Variants in PECR observed in about 807,000 individuals in gnomAD.
PECR encodes 2,4-dienoyl-CoA reductase-related protein.
A neutral mutation model predicts 35.3 loss-of-function variants in PECR; 30 were observed. The ratio of observed to expected loss-of-function variants is 0.85; its 90% CI spans 0.64 to 1.15. The LOEUF is 1.15. Among genes scored for constraint, PECR ranks in the 50% most tolerant of loss-of-function variants. The pLI, the probability that PECR is intolerant of heterozygous loss-of-function variation, is 0.00. For missense variants in PECR, 392 were observed against 370.8 expected, an observed-to-expected ratio of 1.06 and a Z score of -0.47; for synonymous variants, 148 against 138.9, an observed-to-expected ratio of 1.07 and a Z score of -0.46.
chr2:216,048,106 G>C (rs1695031118), intron 6 of PECR, among the ~76,000 whole-genome samples: 1 of 150,470 alleles, frequency 6.6e-6, no homozygotes, highest in South Asian at 2.1e-4. Context: ...ATAGAGTCTT[G>C]CTCTGTCGCC....
chr2:216,055,758 T>G (rs1173114733), intron 4 of PECR, among the ~76,000 whole-genome samples: 2 of 152,156 alleles, frequency 1.3e-5, no homozygotes, highest in African/African-American at 2.4e-5. Context: ...GAACCCCTGA[T>G]GCACTTCAAA....
At chr2:216,070,079 A>G (rs1695557622) in intron 1 of PECR, among the ~76,000 whole-genome samples, 1 of 152,260 alleles carries the variant, frequency 6.6e-6, no homozygotes, top group Non-Finnish European at 1.5e-5. Context: ...CTATATCATA[A>G]GGTATACAAT....
chr2:216,056,473 C>A (rs1460360306), intron 4 of PECR, among the ~76,000 whole-genome samples: 1 of 152,004 alleles, frequency 6.6e-6, no homozygotes, highest in Non-Finnish European at 1.5e-5. Flanking sequence ...GTAATCCCAG[C>A]ACTTTGGGAG....
chr2:216,053,382 T>C (rs2105952192), intron 4 of PECR, among the ~76,000 whole-genome samples: 1 of 152,232 alleles, frequency 6.6e-6, no homozygotes, highest in East Asian at 1.9e-4. Context: ...TAGCTGGGAC[T>C]ACAGGCACCC....
chr2:216,038,406 T>G lies in PECR; in HGVS notation c.*869A>C, dbSNP rs188223436. ...CCAAAAATAAATCACATAAAACTTT[T>G]TCTTTGAATTAAGAGAATTTATACA... On this transcript the variant is annotated 3_prime_UTR_variant, in exon 8 of 8. Coordinates refer to ENST00000265322, the MANE Select transcript of PECR (RefSeq NM_018441.6). 82 of 152,288 alleles carry G rather than the reference T, an allele frequency of 5.4e-4. No individual in the cohort carries two copies. The highest frequency in any genetic ancestry group is 7.8e-4 in the Admixed American group (12 of 15,298). The allele number at this position is 152,288 out of a possible 1,614,324, so 9.4% of individuals were successfully genotyped here.
At chr2:216,050,947 C>A in intron 5 of PECR, 1 of 150,966 alleles carries the variant, frequency 6.6e-6, no homozygotes, top group Non-Finnish European at 1.5e-5. Context: ...GTTTAACATT[C>A]TTGACAATCT....
At chr2:216,067,757 A>T (rs1174996429) in intron 1 of PECR, among the ~76,000 whole-genome samples, 1 of 151,862 alleles carries the variant, frequency 6.6e-6, no homozygotes, top group Admixed American at 6.6e-5. Flanking sequence ...GGGTTTCACC[A>T]TGTTGGCCAG....
intron 5 of PECR, among the ~76,000 whole-genome samples, chr2:216,049,749 C>G (rs1193512250): frequency 6.6e-6 from 1 of 152,198 alleles, no homozygotes; most frequent in African/African-American, 2.4e-5. Flanking sequence ...CAAGAGAAGA[C>G]TGGGCAATGG....
chr2:216,029,462 T>C (rs1186988048), intron 7 of PECR, among the ~76,000 whole-genome samples: 1 of 87,958 alleles, frequency 1.1e-5, no homozygotes, highest in African/African-American at 3.9e-5. Flanking sequence ...GGCGAGAGAG[T>C]GAGACTCCAT....
rs1206717179 is a variant in PECR, at chr2:216,056,723, GAAA to G, written c.506+2169_506+2171del. 7.9e-4 allele frequency among the ~76,000 whole-genome samples: 48 copies of G among 60,742 alleles called. No homozygotes were observed. The South Asian group carries it at 0.022, about 28-fold the overall frequency. The allele number at this position is 60,742 out of a possible 152,430, so 39.8% of individuals were successfully genotyped here. ...GCAACAGGAGCAAAACTCCATCTCAGAAAAAAAAAAAAAAAAAAAGGAAAGAAA... is the reference window on the plus strand; with the variant it reads ...GCAACAGGAGCAAAACTCCATCTCAGAAAAAAAAAAAAAAAAGGAAAGAAA... On this transcript the variant is annotated intron_variant, in intron 4 of 7. Coordinates refer to ENST00000265322, the MANE Select transcript of PECR (RefSeq NM_018441.6).
chr2:216,032,833 T>C (rs1262156364), intron 7 of PECR: 2 of 152,234 alleles, frequency 1.3e-5, no homozygotes, highest in Non-Finnish European at 2.9e-5. Context: ...TTGGTCTTAT[T>C]TCAATAGATG....
In PECR at chr2:216,070,015, G is replaced by A. The variant is rs887237195; in HGVS notation, c.125-3497C>T. Among the ~76,000 whole-genome samples the A allele has an allele frequency of 4.6e-5, 7 of 151,428 alleles. No homozygotes were observed. The East Asian group carries it at 1.2e-3, about 25-fold the overall frequency. ...AAGGATAAAATGTTGGAAGCTGATC[G>A]AAACATAGAAAGGAGTACAATAATT... On this transcript the variant is annotated intron_variant, in intron 1 of 7. Coordinates refer to ENST00000265322, the MANE Select transcript of PECR (RefSeq NM_018441.6).
At chr2:216,034,250 C>T (rs1205115614), downstream of PECR, among the ~76,000 whole-genome samples, 1 of 152,178 alleles carries the variant, frequency 6.6e-6, no homozygotes, top group Non-Finnish European at 1.5e-5. Context: ...TGCAGAATAG[C>T]CAAATGGCAG....
chr2:216,063,438 T>G (rs1282924158), intron 3 of PECR, among the ~76,000 whole-genome samples: 1 of 151,902 alleles, frequency 6.6e-6, no homozygotes, highest in Non-Finnish European at 1.5e-5. Flanking sequence ...GCCAACATGG[T>G]GAAACCCCGT....
chr2:216,036,331 T>A (rs984978294), downstream of PECR, among the ~76,000 whole-genome samples: 2 of 151,994 alleles, frequency 1.3e-5, no homozygotes, highest in African/African-American at 4.8e-5. Flanking sequence ...AAACTGGGAG[T>A]GGCCCTGCAT....
At chr2:216,076,958 A>G (rs547332444) in intron 1 of PECR, among the ~76,000 whole-genome samples, 1 of 145,250 alleles carries the variant, frequency 6.9e-6, no homozygotes, top group Non-Finnish European at 1.5e-5. Flanking sequence ...CTGGAGTGCA[A>G]TGGCACCATC....
chr2:216,060,103 C>CT (rs1217472297), intron 3 of PECR, among the ~76,000 whole-genome samples: 7 of 152,142 alleles, frequency 4.6e-5, no homozygotes, highest in Non-Finnish European at 1.0e-4. Context: ...AAGTCTTACA[C>CT]TTTTTTGTTA....
intron 7 of PECR, among the ~76,000 whole-genome samples, chr2:216,029,248 G>A (rs925846874): frequency 6.6e-6 from 1 of 152,186 alleles, no homozygotes; most frequent in Admixed American, 6.5e-5. Flanking sequence ...GGGAGGCTGA[G>A]GCAGGCAGAT....
At chr2:216,033,233 AT>A (rs982558561) in intron 7 of PECR, among the ~76,000 whole-genome samples, 16 of 152,108 alleles carry the variant, frequency 1.1e-4, no homozygotes, top group Non-Finnish European at 1.5e-4. Flanking sequence ...CCCTTCCTCC[AT>A]TTTTTTAAGT....
Sources: gnomAD v4.1 joint callset for allele counts (sites outside exome capture counted in the v4.1 genomes callset) on GRCh38, gnomAD v4.1.1 for gene constraint, MANE v1.5 for transcripts, NCBI Gene and HGNC (gene_info 2026-07-23, HGNC 2026-07-21) for gene names.